The following DAB1 variants were observed in gnomAD, a reference collection of about 807,000 sequenced individuals.
The protein encoded by DAB1 is DAB adaptor protein 1, also known as disabled homolog 1.
DAB1 carries 15 observed loss-of-function variants against 64.6 expected under a neutral mutation model. The observed-to-expected ratio is 0.23, with a 90% CI of 0.16 to 0.36. The LOEUF is 0.36. DAB1 is among the 10% of genes least tolerant of loss of function. DAB1 has a pLI of 1.00. For missense variants in DAB1, 596 were observed against 706.7 expected (o/e 0.84, Z 1.78); for synonymous variants, 235 against 251.9 (o/e 0.93, Z 0.64).
chr1:58,319,957 C>T (rs767898899), intron 4 of DAB1, among the ~76,000 whole-genome samples: 7 of 152,090 alleles, frequency 4.6e-5, no homozygotes, highest in Non-Finnish European at 7.3e-5. Flanking sequence ...TAATAGAGAG[C>T]GGGTCACAGA....
At chr1:58,472,642 A>C (rs1645372622) in intron 3 of DAB1, among the ~76,000 whole-genome samples, 1 of 152,194 alleles carries the variant, frequency 6.6e-6, no homozygotes, top group African/African-American at 2.4e-5. Context: ...AAATAGTTCA[A>C]AGAAAGAGAC....
At chr1:57,715,684 T>C (rs927047805) in intron 6 of DAB1, among the ~76,000 whole-genome samples, 1 of 152,030 alleles carries the variant, frequency 6.6e-6, no homozygotes, top group Non-Finnish European at 1.5e-5. Context: ...GCAATCCCAT[T>C]TATAATAGTT....
chr1:57,121,139 A>G (rs868351134), intron 4 of DAB1, among the ~76,000 whole-genome samples: 59 of 78,500 alleles, frequency 7.5e-4, no homozygotes, highest in Admixed American at 4.8e-3. Context: ...AGAGAAGAAG[A>G]AGGAGGAGGA....
At chr1:57,040,260 G>A (rs1647573745) in intron 9 of DAB1, among the ~76,000 whole-genome samples, 1 of 152,024 alleles carries the variant, frequency 6.6e-6, no homozygotes, top group African/African-American at 2.4e-5. Context: ...ATTTGATGGT[G>A]GAAATGCTGT....
chr1:58,250,505 C>T (rs1660763926), intron 4 of DAB1, among the ~76,000 whole-genome samples: 1 of 152,214 alleles, frequency 6.6e-6, no homozygotes, highest in African/African-American at 2.4e-5. Flanking sequence ...AGAGATAGTG[C>T]CGGCTCTCTG....
At chr1:57,049,450 C>CAAAAAAAAAAAAAAAAAA (rs574438911) in intron 9 of DAB1, among the ~76,000 whole-genome samples, 3 of 24,586 alleles carry the variant, frequency 1.2e-4, no homozygotes, top group Admixed American at 7.9e-4. Flanking sequence ...GACTCCGTCT[C>CAAAAAAAAAAAAAAAAAA]AAAAAAAAAA....
intron 7 of DAB1, among the ~76,000 whole-genome samples, chr1:57,440,587 T>C (rs1453594398): frequency 6.6e-6 from 1 of 151,840 alleles, no homozygotes; most frequent in Non-Finnish European, 1.5e-5. Context: ...GAAGGAAGAA[T>C]GGAAAAGAGG....
intron 7 of DAB1, among the ~76,000 whole-genome samples, chr1:57,594,541 C>A (rs1231620018): frequency 6.6e-6 from 1 of 152,100 alleles, no homozygotes; most frequent in Non-Finnish European, 1.5e-5. Flanking sequence ...TGAGACCAGC[C>A]AACTAGGAGT....
intron 1 of DAB1, among the ~76,000 whole-genome samples, chr1:57,385,428 C>G (rs991805350): frequency 6.6e-6 from 1 of 152,086 alleles, no homozygotes; most frequent in African/African-American, 2.4e-5. Flanking sequence ...TGGTTCTGGG[C>G]AGGATAAAAA....
At chr1:57,994,785 G>T (rs918202881) in intron 5 of DAB1, among the ~76,000 whole-genome samples, 4 of 152,178 alleles carry the variant, frequency 2.6e-5, no homozygotes, top group African/African-American at 9.7e-5. Context: ...TGTGGGTGGG[G>T]ACAACTCTAA....
chr1:57,607,214 A>AT (rs576392271), intron 7 of DAB1, among the ~76,000 whole-genome samples: 208 of 152,234 alleles, frequency 1.4e-3, no homozygotes, highest in Non-Finnish European at 2.3e-3. Flanking sequence ...TAAAGGTGTG[A>AT]TTTTTTGAGC....
At chr1:58,509,937 GA>G (rs1290392647) in intron 2 of DAB1, among the ~76,000 whole-genome samples, 4 of 151,870 alleles carry the variant, frequency 2.6e-5, no homozygotes, top group Non-Finnish European at 5.9e-5. Context: ...CACTAAGACT[GA>G]AAAAGAAATA....
chr1:57,472,226 T>G (rs983643877), intron 7 of DAB1, among the ~76,000 whole-genome samples: 1 of 152,236 alleles, frequency 6.6e-6, no homozygotes. Context: ...TTGTGCCGTT[T>G]TAGAACAGGT....
At chr1:58,081,243 G>A (rs1649975995) in intron 5 of DAB1, among the ~76,000 whole-genome samples, 2 of 152,202 alleles carry the variant, frequency 1.3e-5, no homozygotes, top group Non-Finnish European at 2.9e-5. Flanking sequence ...TTCCTCATAG[G>A]AAAACTAGGA....
At chr1:58,081,265 G>A (rs1021861496) in intron 5 of DAB1, among the ~76,000 whole-genome samples, 1 of 152,210 alleles carries the variant, frequency 6.6e-6, no homozygotes, top group Non-Finnish European at 1.5e-5. Flanking sequence ...TAATGCCCAT[G>A]TCAGTCAAGG....
intron 5 of DAB1, among the ~76,000 whole-genome samples, chr1:58,132,811 T>C (rs988119845): frequency 2.6e-5 from 4 of 152,164 alleles, no homozygotes; most frequent in Admixed American, 6.5e-5. Flanking sequence ...TGTAGCCTAA[T>C]AGGAGACTGA....
At chr1:57,583,740 C>T (rs1258394512) in intron 7 of DAB1, among the ~76,000 whole-genome samples, 1 of 152,178 alleles carries the variant, frequency 6.6e-6, no homozygotes, top group Non-Finnish European at 1.5e-5. Context: ...TTCCAAATTT[C>T]TTCCAATTGC....
intron 1 of DAB1, among the ~76,000 whole-genome samples, chr1:57,422,379 C>T (rs969273237): frequency 6.6e-6 from 1 of 152,188 alleles, no homozygotes; most frequent in Non-Finnish European, 1.5e-5. Context: ...CGCCCCCGGG[C>T]TCGCCCCCGT....
intron 5 of DAB1, among the ~76,000 whole-genome samples, chr1:58,093,653 T>C (rs1442281944): frequency 6.6e-6 from 1 of 150,740 alleles, no homozygotes; most frequent in Non-Finnish European, 1.5e-5. Context: ...GCCAAAAAGG[T>C]TGGGGACCAC....
Sources: allele counts gnomAD v4.1 joint callset (sites outside exome capture counted in the v4.1 genomes callset), GRCh38; gene constraint gnomAD v4.1.1; transcripts MANE v1.5; gene names NCBI Gene and HGNC (gene_info 2026-07-23, HGNC 2026-07-21).